The following DNAJC12 variants were observed in gnomAD, a reference collection of about 807,000 sequenced individuals.
The protein encoded by DNAJC12 is dnaJ homolog subfamily C member 12.
A neutral mutation model predicts 28.5 loss-of-function variants in DNAJC12; 25 were observed. The observed-to-expected ratio is 0.88, with a 90% CI of 0.64 to 1.22. The LOEUF (loss-of-function observed/expected upper bound fraction) is 1.22. DNAJC12 is among the 50% of genes most tolerant of loss of function. The pLI, the probability that DNAJC12 is intolerant of heterozygous loss-of-function variation, is 0.00. For missense variants in DNAJC12, 222 were observed against 231.7 expected (o/e 0.96, Z 0.27); for synonymous variants, 77 against 80.6 (o/e 0.95, Z 0.24).
chr10:67,804,320 T>C (rs575896654), intron 4 of DNAJC12, among the ~76,000 whole-genome samples: 1 of 152,280 alleles, frequency 6.6e-6, no homozygotes, highest in Admixed American at 6.5e-5. Flanking sequence ...TATCTCCCCA[T>C]TTAATCCTCA....
intron 3 of DNAJC12, 119 bp downstream of exon 3, chr10:67,811,405 T>G (rs1841856543): frequency 6.5e-7 from 1 of 1,532,402 alleles, no homozygotes; most frequent in African/African-American, 1.4e-5. Flanking sequence ...ATCCAGACTC[T>G]GCTAACTTCT....
At chr10:67,801,508 A>G (rs1244396435) in intron 4 of DNAJC12, among the ~76,000 whole-genome samples, 2 of 152,150 alleles carry the variant, frequency 1.3e-5, no homozygotes, top group African/African-American at 4.8e-5. Context: ...AATGATTCCC[A>G]GTTGGATGCA....
At chr10:67,805,900 G>T (rs894812827) in intron 3 of DNAJC12, 113 bp from the exon 4 acceptor site, 3 of 735,676 alleles carry the variant, frequency 4.1e-6, no homozygotes, top group Non-Finnish European at 6.1e-6. Flanking sequence ...CTAATTAACA[G>T]CATGTTAGAC....
At chr10:67,803,131 C>T (rs1434731194) in intron 4 of DNAJC12, among the ~76,000 whole-genome samples, 2 of 151,754 alleles carry the variant, frequency 1.3e-5, no homozygotes, top group Admixed American at 6.6e-5. Context: ...TGAGCCACTG[C>T]GCCTGGACAA....
chr10:67,810,540 G>T (rs540198903), intron 3 of DNAJC12, among the ~76,000 whole-genome samples: 1 of 152,092 alleles, frequency 6.6e-6, no homozygotes, highest in Admixed American at 6.6e-5. Flanking sequence ...ATGCTTTTCC[G>T]TTCCAGAGGG....
chr10:67,831,803 A>G (rs1564867906), intron 1 of DNAJC12, among the ~76,000 whole-genome samples: 1 of 152,166 alleles, frequency 6.6e-6, no homozygotes, highest in African/African-American at 2.4e-5. Context: ...CACTTCTAGT[A>G]CTGGCCCAAC....
intron 2 of DNAJC12, among the ~76,000 whole-genome samples, chr10:67,819,660 G>GAA (rs1280370710): frequency 6.6e-4 from 23 of 34,938 alleles, no homozygotes; most frequent in African/African-American, 2.3e-3. Flanking sequence ...AAGAAAGAAA[G>GAA]AGAAAGAAAG....
chr10:67,823,031 A>G (rs936267692), intron 2 of DNAJC12, among the ~76,000 whole-genome samples: 6 of 152,106 alleles, frequency 3.9e-5, no homozygotes, highest in African/African-American at 1.4e-4. Context: ...AATATACTTA[A>G]GTTATGTTAA....
At chr10:67,823,248 A>G in intron 2 of DNAJC12, 66 bp downstream of exon 2, 1 of 1,306,376 alleles carries the variant, frequency 7.7e-7, no homozygotes, top group Non-Finnish European at 1.1e-6. Context: ...TTAAGTTACT[A>G]TTCACTGGCT....
intron 2 of DNAJC12, among the ~76,000 whole-genome samples, chr10:67,817,642 C>T (rs996670143): frequency 2.6e-5 from 4 of 151,946 alleles, no homozygotes; most frequent in African/African-American, 7.3e-5. Flanking sequence ...TTTGGGAGGC[C>T]GAGGCAGGTG....
chr10:67,804,630 A>G (rs1032044871), intron 4 of DNAJC12, among the ~76,000 whole-genome samples: 6 of 152,238 alleles, frequency 3.9e-5, no homozygotes, highest in African/African-American at 1.4e-4. Flanking sequence ...TAGAGCTAGG[A>G]TGTGAACTCA....
intron 4 of DNAJC12, among the ~76,000 whole-genome samples, chr10:67,801,913 G>A (rs1356041550): frequency 7.2e-5 from 9 of 125,216 alleles, no homozygotes; most frequent in Non-Finnish European, 1.4e-4. Context: ...CCAGGCTGGA[G>A]TGCAGTGGCA....
chr10:67,805,836 A>C, intron 3 of DNAJC12, 49 bp from the exon 4 acceptor site: 1 of 1,398,304 alleles, frequency 7.2e-7, no homozygotes, highest in Non-Finnish European at 9.5e-7. Flanking sequence ...ATATTATATG[A>C]TTTTCTATAT....
chr10:67,829,597 C>T (rs558834615), intron 1 of DNAJC12, among the ~76,000 whole-genome samples: 2 of 152,022 alleles, frequency 1.3e-5, no homozygotes, highest in Non-Finnish European at 2.9e-5. Context: ...GCCGAGATTG[C>T]GCCACTGTAC....
chr10:67,799,647 G>A (rs939501390), intron 4 of DNAJC12, among the ~76,000 whole-genome samples: 2 of 152,172 alleles, frequency 1.3e-5, no homozygotes, highest in African/African-American at 4.8e-5. Context: ...CACGTTGGGA[G>A]GCCGAGGCGG....
At chr10:67,802,947 C>T (rs77523564) in intron 4 of DNAJC12, among the ~76,000 whole-genome samples, 2 of 151,222 alleles carry the variant, frequency 1.3e-5, no homozygotes, top group Non-Finnish European at 2.9e-5. Flanking sequence ...ACATCCCCCC[C>T]CACACACACA....
At chr10:67,808,726 A>G (rs1438357514) in intron 3 of DNAJC12, 1 of 152,196 alleles carries the variant, frequency 6.6e-6, no homozygotes, top group African/African-American at 2.4e-5. Context: ...TCAGCTGAAT[A>G]GCTATACAAA....
chr10:67,800,051 C>A (rs1425718579), intron 4 of DNAJC12, among the ~76,000 whole-genome samples: 2 of 151,088 alleles, frequency 1.3e-5, no homozygotes, highest in Non-Finnish European at 3.0e-5. Context: ...GGCAACATGG[C>A]GAAACCCCAT....
intron 1 of DNAJC12, among the ~76,000 whole-genome samples, chr10:67,831,692 T>C (rs1049106198): frequency 6.6e-5 from 10 of 152,252 alleles, no homozygotes; most frequent in African/African-American, 2.2e-4. Context: ...AATTGTTTCC[T>C]GTGTATTAGC....
Sources: gnomAD v4.1 joint callset for allele counts (sites outside exome capture counted in the v4.1 genomes callset) on GRCh38, gnomAD v4.1.1 for gene constraint, MANE v1.5 for transcripts, NCBI Gene and HGNC (gene_info 2026-07-23, HGNC 2026-07-21) for gene names.